The following ZNF649 variants were observed in gnomAD, a reference collection of about 807,000 sequenced individuals.
ZNF649 encodes zinc finger protein 649.
In ZNF649, 7 loss-of-function variants were observed where a neutral mutation model predicts 14.1. The observed-to-expected ratio is 0.49, with a 90% confidence interval of 0.28 to 0.93. The LOEUF (loss-of-function observed/expected upper bound fraction) is 0.93, where lower values mean the gene tolerates loss of function less well. Among genes scored for constraint, ZNF649 ranks in the 40% least tolerant of loss-of-function variants. The pLI is 0.10. For synonymous variants in ZNF649, 227 were observed against 212.3 expected, an observed-to-expected ratio of 1.07 and a Z score of -0.60; for missense variants, 544 against 608.1, an observed-to-expected ratio of 0.89 and a Z score of 1.11.
At chr19:51,894,837 C>CGAGA (rs2085049255) in intron 4 of ZNF649, among the ~76,000 whole-genome samples, 1 of 152,144 alleles carries the variant, frequency 6.6e-6, no homozygotes, top group Admixed American at 6.5e-5. Flanking sequence ...AAACAGCCCC[C>CGAGA]GAGAGAGCTT....
In ZNF649 at chr19:51,890,661, A is replaced by T. The variant is rs2085013649; in HGVS notation, c.1475T>A (p.Met492Lys). 6.2e-7 allele frequency: 1 copy of T among 1,614,086 alleles called. No individual in the cohort carries two copies. The highest frequency in any genetic ancestry group is 8.5e-7 in the Non-Finnish European group (1 of 1,179,984). ...GGCAAACTCACACTGCCCTGCCACC[A>T]TTGCCACAGTTACCATATTAACAGG... ...KSPVNMVTVA[M>K]VAGQCEFAHI... The change falls in exon 5 of 5, where the codon ATG becomes AAG. Residue 492 changes from methionine (M) to lysine (K), a missense_variant. Transcript: ENST00000354957.
chr19:51,898,617 A>G (rs2085077926), intron 2 of ZNF649, among the ~76,000 whole-genome samples: 1 of 151,920 alleles, frequency 6.6e-6, no homozygotes, highest in Non-Finnish European at 1.5e-5. Flanking sequence ...GGGCATGATT[A>G]AATCATCAAC....
chr19:51,891,562 G>T lies in ZNF649; in HGVS notation c.574C>A (p.Gln192Lys). ...DCGKAFLKKS[Q>K]LTEHKRIHTG... ...TGAATTCTCTTATGCTCAGTGAGCT[G>T]AGACTTCTTGAGGAAAGCTTTCCCA... Residue 192 changes from glutamine to lysine, a missense_variant, in exon 5 of 5, where the codon CAG (glutamine) becomes AAG (lysine). Coordinates refer to ENST00000354957, the MANE Select transcript of ZNF649 (RefSeq NM_023074.4). The surrounding 1 kb of genome is among the most constrained non-coding windows in gnomAD (Gnocchi z 4.2). The T allele has an allele frequency of 6.2e-7, 1 of 1,614,178 alleles. No homozygotes were observed. The highest frequency in any genetic ancestry group is 8.5e-7 in the Non-Finnish European group (1 of 1,180,024).
chr19:51,895,915 A>T (rs1014620328), intron 4 of ZNF649, among the ~76,000 whole-genome samples: 1 of 152,188 alleles, frequency 6.6e-6, no homozygotes, highest in Admixed American at 6.6e-5. Flanking sequence ...CTGAGGTGAC[A>T]ACCTGGGACT....
chr19:51,891,899 T>C lies in ZNF649; in HGVS notation c.239-2A>G, dbSNP rs1295861442. ...GATGATCATCAGCTTTCTCAATTTC[T>C]AAGAGAGAGAACAATAAATCCTTCC... On this transcript the variant is annotated splice_acceptor_variant, in intron 4 of 4. Transcript: ENST00000354957. LOFTEE classifies it high-confidence loss of function. The surrounding 1 kb of genome is among the most constrained non-coding windows in gnomAD (Gnocchi z 4.2). 3.9e-6 allele frequency: 6 copies of C among 1,548,188 alleles called. No individual in the cohort carries two copies. The highest frequency in any genetic ancestry group is 5.2e-6 in the Non-Finnish European group (6 of 1,154,850).
Position 51,891,276 on chromosome 19 carries a change from A to T in ZNF649, c.860T>A (p.Ile287Asn), listed in dbSNP as rs997958186. The T allele has an allele frequency of 3.1e-6, 5 of 1,614,088 alleles. No individual in the cohort carries two copies. Among genetic ancestry groups the T allele is most frequent in the Non-Finnish European group, 3.4e-6 (4 of 1,180,018 alleles). Residue 287 changes from isoleucine to asparagine, a missense_variant, in exon 5 of 5, where the codon ATT becomes AAT. Physicochemically the swap from Ile to Asn is moderately radical, Grantham distance 149 (BLOSUM62 -3). Coordinates refer to ENST00000354957, the MANE Select transcript of ZNF649 (RefSeq NM_023074.4). The surrounding 1 kb of genome is among the most constrained non-coding windows in gnomAD (Gnocchi z 4.2). ...ACATTCGCTGCATTGATGGGGCTTA[A>T]TTCCCGTGTGAATCCTTTGATGTTC... ...LTEHQRIHTG[I>N]KPHQCSECGR... is the part of the protein sequence containing the mutation.
chr19:51,902,024 C>G (rs1029349431), intron 1 of ZNF649, among the ~76,000 whole-genome samples: 2 of 151,404 alleles, frequency 1.3e-5, no homozygotes, highest in African/African-American at 4.9e-5. Context: ...ACACACAGAT[C>G]GGCCCTTTCT....
intron 4 of ZNF649, among the ~76,000 whole-genome samples, chr19:51,892,553 G>A (rs1210344987): frequency 6.6e-6 from 1 of 152,052 alleles, no homozygotes; most frequent in African/African-American, 2.4e-5. Context: ...ATAATCCTGA[G>A]TAGGGAAACA....
At chr19:51,898,996 C>T (rs564085136) in intron 2 of ZNF649, among the ~76,000 whole-genome samples, 1 of 152,268 alleles carries the variant, frequency 6.6e-6, no homozygotes, top group East Asian at 1.9e-4. Flanking sequence ...AAAGTCCCAA[C>T]TCTGTAATCA....
Position 51,890,953 on chromosome 19 carries a change from T to C in ZNF649, c.1183A>G (p.Ile395Val), listed in dbSNP as rs769967215. Reference protein sequence around the residue: ...QKSGLIRHQKIHSGEKPYKCS... With the variant: ...QKSGLIRHQKVHSGEKPYKCS... ...TTATAGGGTTTCTCTCCTGAGTGAA[T>C]TTTCTGATGTCTAATGAGTCCTGAC... Residue 395 changes from isoleucine (I) to valine (V), a missense_variant, in exon 5 of 5, where the codon ATT becomes GTT. Physicochemically the swap from Ile to Val is conservative, Grantham distance 29 (BLOSUM62 3). Coordinates refer to ENST00000354957, the MANE Select transcript of ZNF649 (RefSeq NM_023074.4). 4.3e-6 allele frequency: 7 copies of C among 1,613,390 alleles called. No homozygotes were observed. The highest frequency in any genetic ancestry group is 8.5e-7 in the Non-Finnish European group (1 of 1,179,740).
At chr19:51,901,652 TA>T (rs1169969604) in intron 1 of ZNF649, among the ~76,000 whole-genome samples, 3 of 145,504 alleles carry the variant, frequency 2.1e-5, no homozygotes, top group Non-Finnish European at 4.4e-5. Context: ...CTCTTAAAAA[TA>T]AAAAAATAAA....
At chr19:51,894,157 G>C (rs2085043803) in intron 4 of ZNF649, among the ~76,000 whole-genome samples, 1 of 151,132 alleles carries the variant, frequency 6.6e-6, no homozygotes, top group South Asian at 2.1e-4. Flanking sequence ...TTTTGAGATG[G>C]AGTCTTGCTC....
At chr19:51,895,386 C>T (rs1435793917) in intron 4 of ZNF649, among the ~76,000 whole-genome samples, 1 of 152,052 alleles carries the variant, frequency 6.6e-6, no homozygotes, top group African/African-American at 2.4e-5. Flanking sequence ...CTCTGTCACC[C>T]AGGCTGGAGT....
chr19:51,902,106 T>C (rs960978875), intron 1 of ZNF649, among the ~76,000 whole-genome samples: 1 of 152,142 alleles, frequency 6.6e-6, no homozygotes, highest in African/African-American at 2.4e-5. Context: ...AAACACCATA[T>C]TGAAAGCAGA....
chr19:51,896,221 C>T, intron 4 of ZNF649: 1 of 342,350 alleles, frequency 2.9e-6, no homozygotes, highest in Non-Finnish European at 5.4e-6. Flanking sequence ...AAAATCCAAG[C>T]AAGAAGAACT....
At chr19:51,901,844 G>A (rs2085096338) in intron 1 of ZNF649, among the ~76,000 whole-genome samples, 1 of 151,586 alleles carries the variant, frequency 6.6e-6, no homozygotes, top group Non-Finnish European at 1.5e-5. Flanking sequence ...TCAGATGGCT[G>A]CGGCAGGAGG....
At chr19:51,904,571 C>A (rs1206491475) in intron 1 of ZNF649, among the ~76,000 whole-genome samples, 2 of 152,140 alleles carry the variant, frequency 1.3e-5, no homozygotes, top group Non-Finnish European at 2.9e-5. Flanking sequence ...CGCTGCCCAG[C>A]ACCCCGGCTT....
chr19:51,895,586 C>T (rs879438746), intron 4 of ZNF649, among the ~76,000 whole-genome samples: 4 of 152,058 alleles, frequency 2.6e-5, no homozygotes, highest in Non-Finnish European at 5.9e-5. Flanking sequence ...TTGTGATCCG[C>T]CCGCCTCAGC....
rs1410442292 is a variant in ZNF649 at position 51,890,803 on chromosome 19, G to A, written c.1333C>T (p.Leu445Phe). The change falls in exon 5 of 5, where the codon CTT becomes TTT. Residue 445 changes from leucine to phenylalanine, a missense_variant. By Grantham distance (22) the Leu-to-Phe change is conservative (BLOSUM62 0). Coordinates refer to ENST00000354957, the MANE Select transcript of ZNF649 (RefSeq NM_023074.4). Reference sequence around the variant, plus strand: ...GAGTGTATTCTCTTATGTTTAACAAGGCAAGACATATAGAAGTAAGCTTTC... The same window carrying A: ...GAGTGTATTCTCTTATGTTTAACAAAGCAAGACATATAGAAGTAAGCTTTC... The part of the protein sequence containing the change: ...CEKAYFYMSC[L>F]VKHKRIHSRE... 2.5e-6 allele frequency: 4 copies of A among 1,614,092 alleles called. No individual in the cohort carries two copies. The highest frequency in any genetic ancestry group is 2.7e-5 in the African/African-American group (2 of 74,942).
Sources: allele counts gnomAD v4.1 joint callset (sites outside exome capture counted in the v4.1 genomes callset), GRCh38; gene constraint gnomAD v4.1.1; non-coding constraint Gnocchi (gnomAD v3.1); transcripts MANE v1.5; gene names NCBI Gene and HGNC (gene_info 2026-07-23, HGNC 2026-07-21).